The following IP6K3 variants were observed in gnomAD, a reference collection of about 807,000 sequenced individuals.
IP6K3 encodes ATP:1D-myo-inositol-hexakisphosphate phosphotransferase.
In IP6K3, 20 loss-of-function variants were observed where a neutral mutation model predicts 28.8. That is an observed-to-expected ratio of 0.70 (90% confidence interval 0.49 to 1.01). The LOEUF (loss-of-function observed/expected upper bound fraction) is 1.01, where lower values mean the gene tolerates loss of function less well. Ranked by LOEUF, IP6K3 falls within the 50% of genes least tolerant of loss-of-function variation. The pLI, the probability that IP6K3 is intolerant of heterozygous loss-of-function variation, is 0.00. For missense variants in IP6K3, 480 were observed against 537.1 expected (o/e 0.89, Z 1.05); for synonymous variants, 213 against 221.3 (o/e 0.96, Z 0.33).
At chr6:33,727,041 G>A in intron 3 of IP6K3, 135 bp from the exon 4 acceptor site, 2 of 880,378 alleles carry the variant, frequency 2.3e-6, no homozygotes, top group Non-Finnish European at 3.3e-6. Flanking sequence ...CCCTCACCAG[G>A]CTGGGGCACC....
At chr6:33,756,125 A>G in the IP6K3 span, among the ~76,000 whole-genome samples, 2 of 152,230 alleles carry the variant, frequency 1.3e-5, no homozygotes, top group South Asian at 4.1e-4. Flanking sequence ...TGGCCTCCCA[A>G]AATGCTTGGA....
In IP6K3 at chr6:33,735,449, C is replaced by T. The variant is rs141301327; in HGVS notation, c.28G>A (p.Gly10Arg). 168 of 1,610,766 alleles carry T rather than the reference C, an allele frequency of 1.0e-4. 2 individuals carry two copies. The Admixed American group carries it at 1.3e-3, about 12-fold the overall frequency. ...AGCTGCACGCCTGCCCTCATGTCCC[C>T]GGCGTCTGCGCTGTTTTGCACAACC... MVVQNSADA[G>R]DMRAGVQLEP... is the part of the protein sequence containing the mutation. Residue 10 changes from glycine to arginine, a missense_variant, in exon 2 of 6, where the codon GGG becomes AGG. Physicochemically the swap from Gly to Arg is moderately radical, Grantham distance 125. Coordinates refer to ENST00000293756, the MANE Select transcript of IP6K3 (RefSeq NM_054111.5).
intron 3 of IP6K3, 159 bp downstream of exon 3, chr6:33,727,928 T>G (rs1296866567): frequency 1.0e-6 from 1 of 985,332 alleles, no homozygotes; most frequent in African/African-American, 1.7e-5. Flanking sequence ...ATCCATTCCT[T>G]TCTTTGGTCA....
rs528373465 is a variant in IP6K3 at position 33,726,960 on chromosome 6, C to T, written c.414-54G>A. 6.0e-6 allele frequency: 9 copies of T among 1,496,562 alleles called. No individual in the cohort carries two copies. The South Asian group carries it at 6.5e-5, about 11-fold the overall frequency. The allele number at this position is 1,496,562 out of a possible 1,614,324, so 92.7% of individuals were successfully genotyped here. On this transcript the variant is annotated intron_variant, in intron 3 of 5. Transcript: ENST00000293756. ...AGAGCAGAGGTCTGGGGAAGGGCGC[C>T]GCTGCCTGTGGCTGACTGGGCTCTC...
At chr6:33,745,650 C>T (rs889369708) in intron 1 of IP6K3, among the ~76,000 whole-genome samples, 2 of 152,086 alleles carry the variant, frequency 1.3e-5, no homozygotes, top group Non-Finnish European at 2.9e-5. Flanking sequence ...TTGACTGGAT[C>T]CTTTTCTAAC....
Position 33,742,487 on chromosome 6 carries a change from T to C in IP6K3, c.-180+4271A>G, listed in dbSNP as rs1359550992. ...GGCAGCATGCTGCTGGTGGGCAGTGTCTAACGAAGTGCTTGGCAGCGTGGA... is the reference window on the plus strand; with the variant it reads ...GGCAGCATGCTGCTGGTGGGCAGTGCCTAACGAAGTGCTTGGCAGCGTGGA... On this transcript the variant is annotated intron_variant, in intron 1 of 5. Coordinates refer to ENST00000293756, the MANE Select transcript of IP6K3 (RefSeq NM_054111.5). The surrounding 1 kb of genome is among the most constrained non-coding windows in gnomAD (Gnocchi z 4.5). 6.6e-6 allele frequency among the ~76,000 whole-genome samples: 1 copy of C among 152,104 alleles called. No homozygotes were observed. The highest frequency in any genetic ancestry group is 6.5e-5 in the Admixed American group (1 of 15,280).
rs1766192498 is a variant in IP6K3, at chr6:33,728,214, T to C, written c.286A>G (p.Lys96Glu). The C allele has an allele frequency of 6.2e-7, 1 of 1,614,120 alleles. No individual in the cohort carries two copies. The highest frequency in any genetic ancestry group is 8.5e-7 in the Non-Finnish European group (1 of 1,180,040). Reference sequence around the variant, plus strand: ...ACCGCCGCCGACTCTGTGGAGACCTTGAAGGGCTCCTGGCTCTCCTTCACT... The same window carrying C: ...ACCGCCGCCGACTCTGTGGAGACCTCGAAGGGCTCCTGGCTCTCCTTCACT... ...NPVKESQEPF[K>E]VSTESAAVAI... Residue 96 changes from lysine to glutamate, a missense_variant, in exon 3 of 6, where the codon AAG (lysine) becomes GAG (glutamate). Lys to Glu is a moderately conservative substitution (Grantham distance 56). Transcript: ENST00000293756.
At chr6:33,761,531 A>T in the IP6K3 span, among the ~76,000 whole-genome samples, 1 of 151,910 alleles carries the variant, frequency 6.6e-6, no homozygotes, top group African/African-American at 2.4e-5. Flanking sequence ...CTCTCTCTGA[A>T]TGGGAGCCTC....
chr6:33,761,308 G>A, the IP6K3 span, among the ~76,000 whole-genome samples: 1 of 152,048 alleles, frequency 6.6e-6, no homozygotes, highest in Non-Finnish European at 1.5e-5. Context: ...TGAGCCTTCA[G>A]CCCGTCCCCT....
chr6:33,740,392 A>C (rs4713674), intron 1 of IP6K3, among the ~76,000 whole-genome samples: 1 of 152,132 alleles, frequency 6.6e-6, no homozygotes, highest in South Asian at 2.1e-4. Context: ...TCCAGGGCTA[A>C]TTTCTGCTGA....
intron 3 of IP6K3, among the ~76,000 whole-genome samples, chr6:33,727,150 C>A (rs1411271274): frequency 2.0e-5 from 3 of 152,172 alleles, no homozygotes; most frequent in Non-Finnish European, 4.4e-5. Flanking sequence ...CATGTTGCCC[C>A]CTTAGAGGGC....
chr6:33,743,421 C>A (rs1766797811), intron 1 of IP6K3, among the ~76,000 whole-genome samples: 1 of 152,000 alleles, frequency 6.6e-6, no homozygotes, highest in Non-Finnish European at 1.5e-5. Context: ...TTTGTGATGC[C>A]CGAGGGAGCA....
chr6:33,735,654 C>T lies in IP6K3; in HGVS notation c.-178G>A, dbSNP rs1181285502. 10 of 1,416,144 alleles carry T rather than the reference C, an allele frequency of 7.1e-6. No homozygotes were observed. The Admixed American group carries it at 8.4e-5, about 12-fold the overall frequency. 87.7% of individuals were successfully genotyped at this position (1,416,144 alleles called of 1,614,324 possible). ...CTGTCTGTGGGTTCTCAGCGGGGTCCTCTGGAAAGCAGGGGAGGAAGGAGG... is the reference window on the plus strand; with the variant it reads ...CTGTCTGTGGGTTCTCAGCGGGGTCTTCTGGAAAGCAGGGGAGGAAGGAGG... On this transcript the variant is annotated splice_region_variant and 5_prime_UTR_variant, in exon 2 of 6. Coordinates refer to ENST00000293756, the MANE Select transcript of IP6K3 (RefSeq NM_054111.5).
chr6:33,759,355 C>A, the IP6K3 span, among the ~76,000 whole-genome samples: 1,667 of 152,292 alleles, frequency 0.011, 21 homozygotes, highest in African/African-American at 0.037. Flanking sequence ...TGGCTCACTG[C>A]AACCTCTGCC....
At chr6:33,752,185 A>T in the IP6K3 span, among the ~76,000 whole-genome samples, 1 of 151,762 alleles carries the variant, frequency 6.6e-6, no homozygotes, top group South Asian at 2.1e-4. Context: ...CGCCGTTGAT[A>T]CTCCACCCCG....
At chr6:33,751,319 C>A (rs994010191), upstream of IP6K3, among the ~76,000 whole-genome samples, 3 of 152,184 alleles carry the variant, frequency 2.0e-5, no homozygotes, top group African/African-American at 7.2e-5. This position sits in a 1 kb window ranked among gnomAD's most constrained non-coding sequence, Gnocchi z 4.3. Flanking sequence ...GTAGAAGGGC[C>A]GGCCCAGACC....
upstream of IP6K3, among the ~76,000 whole-genome samples, chr6:33,747,773 G>T (rs1048151282): frequency 2.6e-5 from 4 of 152,140 alleles, no homozygotes; most frequent in African/African-American, 7.2e-5. The surrounding 1 kb of genome is among the most constrained non-coding windows in gnomAD (Gnocchi z 5.2). Context: ...CTCAGCCTCT[G>T]GGAGGAACTG....
rs1766826124 is a variant in IP6K3, at chr6:33,744,159, T to A, written c.-180+2599A>T. 6.6e-6 allele frequency among the ~76,000 whole-genome samples: 1 copy of A among 152,168 alleles called. No individual in the cohort carries two copies. The highest frequency in any genetic ancestry group is 1.5e-5 in the Non-Finnish European group (1 of 68,026). ...CCCTGGACACGCAGCTCCTCAGCCA[T>A]GGTTAGCAACTGCTTTGACAGCCCC... On this transcript the variant is annotated intron_variant, in intron 1 of 5. Transcript: ENST00000293756. The surrounding 1 kb of genome is among the most constrained non-coding windows in gnomAD (Gnocchi z 4.4).
Position 33,722,956 on chromosome 6 carries a change from G to GC in IP6K3, c.996dup (p.Gln333AlafsTer23). The GC allele has an allele frequency of 1.2e-6, 2 of 1,614,042 alleles. No individual in the cohort carries two copies. Among genetic ancestry groups the GC allele is most frequent in the South Asian group, 2.2e-5 (2 of 91,056 alleles). ...CCTGGGGCTCTTTCTGGTGGTTCCT[G>GC]CCCATCATAGATGACAAGGAGAGAG... On this transcript the variant is annotated frameshift_variant, in exon 6 of 6. Transcript: ENST00000293756. LOFTEE classifies it low-confidence loss of function (END_TRUNC).
Sources: gnomAD v4.1 joint callset for allele counts (sites outside exome capture counted in the v4.1 genomes callset) on GRCh38, gnomAD v4.1.1 for gene constraint, Gnocchi (gnomAD v3.1) non-coding constraint, MANE v1.5 for transcripts, NCBI Gene and HGNC (gene_info 2026-07-23, HGNC 2026-07-21) for gene names.